DOK6: variants seen among roughly 807,000 people sequenced by gnomAD.
DOK6 encodes downstream of tyrosine kinase 6.
DOK6 carries 22 observed loss-of-function variants against 44.0 expected under a neutral mutation model. The observed-to-expected ratio is 0.50, with a 90% CI of 0.36 to 0.71. The LOEUF is 0.71. Among genes scored for constraint, DOK6 ranks in the 30% least tolerant of loss-of-function variants. DOK6 has a pLI of 0.00. For synonymous variants in DOK6, 166 were observed against 145.5 expected, an observed-to-expected ratio of 1.14 and a Z score of -1.01; for missense variants, 340 against 416.4, an observed-to-expected ratio of 0.82 and a Z score of 1.60.
At chr18:69,769,307 C>T (rs1979818770) in intron 7 of DOK6, among the ~76,000 whole-genome samples, 1 of 151,952 alleles carries the variant, frequency 6.6e-6, no homozygotes, top group Non-Finnish European at 1.5e-5. Context: ...CAGGAAAGTT[C>T]ATTCTTCCAG....
intron 3 of DOK6, among the ~76,000 whole-genome samples, chr18:69,666,571 C>T (rs1568327409): frequency 1.3e-5 from 2 of 151,994 alleles, no homozygotes; most frequent in South Asian, 2.1e-4. Context: ...TGTTAATCAT[C>T]GACATCACAT....
chr18:69,676,141 A>AAAG (rs1985917374), intron 3 of DOK6, among the ~76,000 whole-genome samples: 2 of 152,210 alleles, frequency 1.3e-5, no homozygotes, highest in Non-Finnish European at 2.9e-5. Context: ...AGTATGCCTT[A>AAAG]CATCAGTGAG....
intron 3 of DOK6, among the ~76,000 whole-genome samples, chr18:69,604,953 C>T (rs906685844): frequency 3.9e-5 from 6 of 152,084 alleles, no homozygotes; most frequent in Non-Finnish European, 8.8e-5. Context: ...AAGAAACCCA[C>T]TTTCTAAAGT....
chr18:69,452,307 A>T (rs551527083), intron 1 of DOK6, among the ~76,000 whole-genome samples: 1 of 151,208 alleles, frequency 6.6e-6, no homozygotes, highest in Non-Finnish European at 1.5e-5. Flanking sequence ...AAACTAGAAA[A>T]TCTAGAAGAA....
intron 3 of DOK6, among the ~76,000 whole-genome samples, chr18:69,639,734 A>C (rs1037336664): frequency 2.6e-5 from 4 of 152,080 alleles, no homozygotes; most frequent in Non-Finnish European, 4.4e-5. Flanking sequence ...GGGAGGAAAT[A>C]AGGGGAAAGG....
At chr18:69,839,535 A>C (rs1273015743) in intron 7 of DOK6, among the ~76,000 whole-genome samples, 2 of 151,942 alleles carry the variant, frequency 1.3e-5, no homozygotes, top group African/African-American at 4.8e-5. Context: ...TTTTTCCTTC[A>C]CTATATCATC....
chr18:69,722,492 G>C (rs968174671), intron 5 of DOK6, among the ~76,000 whole-genome samples: 34 of 152,180 alleles, frequency 2.2e-4, no homozygotes, highest in African/African-American at 7.5e-4. Flanking sequence ...GTCTCAGAGA[G>C]GCTTGTAGAA....
intron 1 of DOK6, among the ~76,000 whole-genome samples, chr18:69,475,367 C>T (rs1171379962): frequency 2.0e-5 from 3 of 152,150 alleles, no homozygotes; most frequent in Non-Finnish European, 4.4e-5. Context: ...ATATTAATTA[C>T]AAATTCCCAC....
At chr18:69,689,843 ATAATT>A (rs1196126834) in intron 4 of DOK6, among the ~76,000 whole-genome samples, 2 of 152,162 alleles carry the variant, frequency 1.3e-5, no homozygotes, top group African/African-American at 4.8e-5. Context: ...CGTTAAACAG[ATAATT>A]TAAATAAATT....
intron 1 of DOK6, among the ~76,000 whole-genome samples, chr18:69,475,023 C>T (rs1332344535): frequency 1.3e-5 from 2 of 152,116 alleles, no homozygotes; most frequent in Non-Finnish European, 2.9e-5. Flanking sequence ...AATTATTTCA[C>T]TTCCAAGTTC....
Position 69,811,275 on chromosome 18 carries a change from G to A in DOK6, c.857-29969G>A, listed in dbSNP as rs955218597. The stretch of plus-strand genomic sequence containing the variant: ...AAAAAGTTGAACCCACAGAAGCATA[G>A]AGTCCAGTGGTGGTTACTAGAGGCT... On this transcript the variant is annotated intron_variant, in intron 7 of 7. Coordinates refer to ENST00000382713, the MANE Select transcript of DOK6 (RefSeq NM_152721.6). Among the ~76,000 whole-genome samples the A allele has an allele frequency of 2.7e-4, 41 of 151,908 alleles. 1 individual carries two copies. The highest frequency in any genetic ancestry group is 9.7e-4 in the African/African-American group (40 of 41,352).
At chr18:69,457,341 G>A (rs1487460198) in intron 1 of DOK6, among the ~76,000 whole-genome samples, 1 of 152,140 alleles carries the variant, frequency 6.6e-6, no homozygotes, top group Non-Finnish European at 1.5e-5. Context: ...TGAAAGATAA[G>A]GTTCTAGTTT....
chr18:69,774,066 T>G (rs1196547832), intron 7 of DOK6, among the ~76,000 whole-genome samples: 3 of 118,734 alleles, frequency 2.5e-5, no homozygotes, highest in Non-Finnish European at 3.7e-5. Context: ...TATATATAGA[T>G]ATATATATAT....
At chr18:69,802,124 A>G (rs2145106953) in intron 7 of DOK6, among the ~76,000 whole-genome samples, 1 of 152,234 alleles carries the variant, frequency 6.6e-6, no homozygotes, top group South Asian at 2.1e-4. Context: ...AAGGCACATA[A>G]TGTTTTATAT....
chr18:69,798,157 C>A (rs1207209751), intron 7 of DOK6, among the ~76,000 whole-genome samples: 1 of 151,998 alleles, frequency 6.6e-6, no homozygotes, highest in East Asian at 1.9e-4. Context: ...AAGAGGGAAC[C>A]TGTAGATTAA....
At chr18:69,723,893 T>C (rs1420025960) in intron 5 of DOK6, among the ~76,000 whole-genome samples, 1 of 152,192 alleles carries the variant, frequency 6.6e-6, no homozygotes, top group East Asian at 1.9e-4. Context: ...TTCCCCAGGA[T>C]GTCACCTGCC....
chr18:69,414,104 C>T (rs1978318054), intron 1 of DOK6, among the ~76,000 whole-genome samples: 1 of 151,942 alleles, frequency 6.6e-6, no homozygotes, highest in Non-Finnish European at 1.5e-5. Context: ...GACACGAATC[C>T]AGAGAAGCTG....
At chr18:69,822,219 T>C (rs1365681645) in intron 7 of DOK6, among the ~76,000 whole-genome samples, 1 of 152,160 alleles carries the variant, frequency 6.6e-6, no homozygotes, top group Non-Finnish European at 1.5e-5. Context: ...CCTCCACCTT[T>C]AGCGTGGGAA....
At chr18:69,786,855 C>A (rs1980445455) in intron 7 of DOK6, among the ~76,000 whole-genome samples, 1 of 152,126 alleles carries the variant, frequency 6.6e-6, no homozygotes, top group South Asian at 2.1e-4. Context: ...TTTTGTAGGT[C>A]AAAAGTGATT....
Sources: gnomAD v4.1 joint callset for allele counts (sites outside exome capture counted in the v4.1 genomes callset) on GRCh38, gnomAD v4.1.1 for gene constraint, MANE v1.5 for transcripts, NCBI Gene and HGNC (gene_info 2026-07-23, HGNC 2026-07-21) for gene names.